The following RPS8 variants were observed in gnomAD, a reference collection of about 807,000 sequenced individuals.
RPS8 encodes the protein ribosomal protein S8.
For synonymous variants in RPS8, 100 were observed against 100.7 expected (o/e 0.99, Z 0.04); for missense variants, 141 against 269.7 (o/e 0.52, Z 3.34).
rs41269075 is a variant in RPS8, at chr1:44,776,847, C to A, written c.211+73C>A. The A allele has an allele frequency of 3.4e-6, 4 of 1,178,484 alleles. No homozygotes were observed. In the African/African-American group the frequency reaches 4.7e-5, roughly 14 times the overall value. The allele number at this position is 1,178,484 out of a possible 1,614,324, so 73.0% of individuals were successfully genotyped here. A position where few individuals can be genotyped will look rare whatever the true frequency, so the allele number is the denominator to read the frequency against. Reference sequence around the variant, plus strand: ...CTTAAGATTCACCAAGTGGGCCTGGCGCGGTGGCTCACGCCTATAAGCCCA... The same window carrying A: ...CTTAAGATTCACCAAGTGGGCCTGGAGCGGTGGCTCACGCCTATAAGCCCA... On this transcript the variant is annotated intron_variant, in intron 3 of 5. Transcript: ENST00000396651.
At chr1:44,776,502 G>A (rs766348686) in intron 2 of RPS8, 173 bp from the exon 3 acceptor site, 2 of 770,034 alleles carry the variant, frequency 2.6e-6, no homozygotes, top group Non-Finnish European at 2.4e-6. Context: ...GTAGGGTGAT[G>A]AAAAAGAATC....
In RPS8 at chr1:44,778,600, A is replaced by C. The variant is rs754757679; in HGVS notation, c.542A>C (p.Gln181Pro). 6.2e-7 allele frequency: 1 copy of C among 1,613,926 alleles called. No homozygotes were observed. The highest frequency in any genetic ancestry group is 8.5e-7 in the Non-Finnish European group (1 of 1,179,898). ...GCGTGCATCGCTTCAAGGCCGGGAC[A>C]GTGTGGCCGAGCAGATGGCTATGTG... ...LLACIASRPG[Q>P]CGRADGYVLE... is the part of the protein sequence containing the mutation. The change falls in exon 6 of 6, where the codon CAG becomes CCG. Residue 181 changes from glutamine (Q) to proline (P), a missense_variant. By Grantham distance (76) the Gln-to-Pro change is moderately conservative. Transcript: ENST00000396651.
rs749918432 is a variant in RPS8 at position 44,776,747 on chromosome 1, G to A, written c.184G>A (p.Val62Met). The A allele has an allele frequency of 1.2e-6, 2 of 1,611,152 alleles. No individual in the cohort carries two copies. The highest frequency in any genetic ancestry group is 1.7e-6 in the Non-Finnish European group (2 of 1,179,090). The change falls in exon 3 of 6, where the codon GTG (valine) becomes ATG (methionine). Residue 62 changes from valine (V) to methionine (M), a missense_variant. Physicochemically the swap from Val to Met is conservative, Grantham distance 21. Coordinates refer to ENST00000396651, the MANE Select transcript of RPS8 (RefSeq NM_001012.2). ...NKKYRALRLDVGNFSWGSECC... is the reference protein window; with the variant it reads ...NKKYRALRLDMGNFSWGSECC... ...GAAATACCGTGCCCTGAGGTTGGAC[G>A]TGGGGAATTTCTCCTGGGGCTCAGA...
chr1:44,776,694 A>C lies in RPS8; in HGVS notation c.131A>C (p.His44Pro). Residue 44 changes from histidine to proline, a missense_variant, in exon 3 of 6, where the codon CAC (histidine) becomes CCC (proline). By Grantham distance (77) the His-to-Pro change is moderately conservative. Coordinates refer to ENST00000396651, the MANE Select transcript of RPS8 (RefSeq NM_001012.2). Reference sequence around the variant, plus strand: ...TTCCAGATTGGCCCCCGCCGCATCCACACAGTCCGTGTGCGGGGAGGTAAC... The same window carrying C: ...TTCCAGATTGGCCCCCGCCGCATCCCCACAGTCCGTGTGCGGGGAGGTAAC... ...ANTKIGPRRI[H>P]TVRVRGGNKK... 6.2e-7 allele frequency: 1 copy of C among 1,614,128 alleles called. No homozygotes were observed. The highest frequency in any genetic ancestry group is 1.1e-5 in the South Asian group (1 of 91,086).
chr1:44,778,017 G>A lies in RPS8; in HGVS notation c.405G>A (p.Glu135=), dbSNP rs1159408474. ...CTTTTCAGACTCCTGAGGAAGAAGA[G>A]ATTTTAAACAAAAAACGATCTAAAA... ...KGAKLTPEEE[E]ILNKKRSKKI... is the part of the protein sequence containing the mutation. The change falls in exon 5 of 6, where the codon GAG becomes GAA. Residue 135 remains glutamate, a synonymous_variant. Coordinates refer to ENST00000396651, the MANE Select transcript of RPS8 (RefSeq NM_001012.2). The A allele has an allele frequency of 1.2e-6, 2 of 1,613,748 alleles. No homozygotes were observed. Among genetic ancestry groups the A allele is most frequent in the Admixed American group, 1.7e-5 (1 of 59,942 alleles).
At chr1:44,777,132 CG>C (rs1297559860) in intron 3 of RPS8, 1 of 220,024 alleles carries the variant, frequency 4.5e-6, no homozygotes, top group East Asian at 1.3e-4. Flanking sequence ...GTGCCAGTGG[CG>C]TGATCTTGGT....
rs780371213 is a variant in RPS8, at chr1:44,777,759, G to T, written c.357G>T (p.Leu119=). ...YRQWYESHYA[L]PLGRKKGAKL... ...AGTGGTACGAGTCCCACTATGCGCT[G>T]CCCCTGGGCCGCAAGAAGGGAGCCA... is the stretch of plus-strand genomic sequence containing the variant. The change falls in exon 4 of 6, where the codon CTG becomes CTT. Residue 119 remains leucine (L), a synonymous_variant. Transcript: ENST00000396651. 1.2e-6 allele frequency: 2 copies of T among 1,614,064 alleles called. No homozygotes were observed. The highest frequency in any genetic ancestry group is 1.7e-5 in the Admixed American group (1 of 59,998).
chr1:44,776,825 A>C (rs1557608853), intron 3 of RPS8, 51 bp downstream of exon 3: 2 of 1,392,592 alleles, frequency 1.4e-6, no homozygotes, highest in Non-Finnish European at 2.0e-6. Context: ...AAACGGTCTT[A>C]AGATTCACCA....
At position 44,776,029 on chromosome 1, in the gene RPS8, T is replaced by C; in HGVS notation, c.5-5T>C. The C allele has an allele frequency of 3.1e-6, 5 of 1,612,906 alleles. No individual in the cohort carries two copies. Among genetic ancestry groups the C allele is most frequent in the Non-Finnish European group, 4.2e-6 (5 of 1,179,410 alleles). On this transcript the variant is annotated splice_polypyrimidine_tract_variant and splice_region_variant and intron_variant, in intron 1 of 5. Coordinates refer to ENST00000396651, the MANE Select transcript of RPS8 (RefSeq NM_001012.2). Reference sequence around the variant, plus strand: ...TCAAGCTTCCTTCCCCGCTTCCACATGCAGGCATCTCTCGGGACAACTGGC... The same window carrying C: ...TCAAGCTTCCTTCCCCGCTTCCACACGCAGGCATCTCTCGGGACAACTGGC...
chr1:44,776,003 C>A, intron 1 of RPS8, 31 bp from the exon 2 acceptor site: 1 of 1,604,448 alleles, frequency 6.2e-7, no homozygotes, highest in Non-Finnish European at 8.5e-7. Flanking sequence ...GTCACAGTGG[C>A]TCAAGCTTCC....
chr1:44,777,005 G>A lies in RPS8; in HGVS notation c.211+231G>A, dbSNP rs1022566055. On this transcript the variant is annotated intron_variant, in intron 3 of 5. Coordinates refer to ENST00000396651, the MANE Select transcript of RPS8 (RefSeq NM_001012.2). ...GCAAGTAGTCTGTGGCTTAGACCAA[G>A]GCATTTGAAGTTTCTCCTTGCTGAA... The A allele has an allele frequency of 1.1e-5, 5 of 437,986 alleles. No homozygotes were observed. In the Admixed American group the frequency reaches 2.1e-4, roughly 19 times the overall value. The allele number at this position is 437,986 out of a possible 1,614,324, so 27.1% of individuals were successfully genotyped here.
In RPS8 at chr1:44,777,595, A is replaced by T. The variant is rs1244308119; in HGVS notation, c.212-19A>T. 1 of 1,607,196 alleles carries T rather than the reference A, an allele frequency of 6.2e-7. No homozygotes were observed. Among genetic ancestry groups the T allele is most frequent in the Non-Finnish European group, 8.5e-7 (1 of 1,174,996 alleles). ...TTTGTCCTCCAGTTTACTTGATGCC[A>T]AATTTCTCCTGTGAGCAGGTTGTAC... On this transcript the variant is annotated intron_variant, in intron 3 of 5. Coordinates refer to ENST00000396651, the MANE Select transcript of RPS8 (RefSeq NM_001012.2).
At chr1:44,775,754 C>G (rs919682936) in intron 1 of RPS8, 154 bp downstream of exon 1, 3 of 1,065,964 alleles carry the variant, frequency 2.8e-6, no homozygotes, top group Non-Finnish European at 2.9e-6. Flanking sequence ...CCGCCCAGCC[C>G]GTCTCTGGGG....
intron 2 of RPS8, 143 bp from the exon 3 acceptor site, chr1:44,776,532 G>T: frequency 1.3e-6 from 1 of 795,426 alleles, no homozygotes. Flanking sequence ...GGTTGTGGCC[G>T]TCTTGGTCAC....
At position 44,778,567 on chromosome 1, in the gene RPS8, C is replaced by T. The variant is rs374827889; in HGVS notation, c.518-9C>T. 8.1e-6 allele frequency: 13 copies of T among 1,609,890 alleles called. No homozygotes were observed. The African/African-American group carries it at 1.3e-4, about 17-fold the overall frequency. On this transcript the variant is annotated splice_polypyrimidine_tract_variant and intron_variant, in intron 5 of 5. Transcript: ENST00000396651. ...GTCGTTGTGCTAAGGATCACCTACT[C>T]TCTTGCAGCGTGCATCGCTTCAAGG...
chr1:44,776,428 T>C, intron 2 of RPS8: 1 of 752,370 alleles, frequency 1.3e-6, no homozygotes, highest in Non-Finnish European at 2.4e-6. Flanking sequence ...AGAAGCCTAG[T>C]CTTGTTTTTT....
At chr1:44,778,524 TTTGGGTAGGGCC>T in intron 5 of RPS8, 40 bp from the exon 6 acceptor site, 1 of 1,453,264 alleles carries the variant, frequency 6.9e-7, no homozygotes, top group Non-Finnish European at 9.7e-7. Context: ...GGTGGAGAGG[TTTGGGTAGGGCC>T]ACCTTGTCGT....
intron 1 of RPS8, 42 bp downstream of exon 1, chr1:44,775,642 G>A: frequency 1.9e-6 from 3 of 1,613,146 alleles, no homozygotes; most frequent in Non-Finnish European, 2.5e-6. Flanking sequence ...GGGAGGTTGA[G>A]CTCAATCAGG....
intron 4 of RPS8, 82 bp from the exon 5 acceptor site, chr1:44,777,918 G>A: frequency 1.9e-6 from 3 of 1,587,924 alleles, no homozygotes; most frequent in Non-Finnish European, 2.6e-6. Flanking sequence ...AGGAAGGCCA[G>A]CACTGGGGTG....
Sources: gnomAD v4.1 joint callset for allele counts on GRCh38, gnomAD v4.1.1 for gene constraint, MANE v1.5 for transcripts, NCBI Gene and HGNC (gene_info 2026-07-23, HGNC 2026-07-21) for gene names.